The following ERC1 variants were observed in gnomAD, a reference collection of about 807,000 sequenced individuals.
The protein encoded by ERC1 is RAB6 interacting protein 2.
A neutral mutation model predicts 132.0 loss-of-function variants in ERC1; 56 were observed. The ratio of observed to expected loss-of-function variants is 0.42; its 90% confidence interval spans 0.34 to 0.53. ERC1 has a LOEUF of 0.53. ERC1 is among the 20% of genes least tolerant of loss of function. The probability of loss-of-function intolerance (pLI) is 0.03; values close to 1 mark genes in which losing one functional copy is unlikely to be tolerated. For synonymous variants in ERC1, 478 were observed against 476.1 expected, an observed-to-expected ratio of 1.00 and a Z score of -0.05; for missense variants, 1,202 against 1,349.9, an observed-to-expected ratio of 0.89 and a Z score of 1.72.
intron 2 of ERC1, among the ~76,000 whole-genome samples, chr12:1,034,411 T>TAA (rs1046800585): frequency 1.3e-5 from 2 of 151,822 alleles, no homozygotes; most frequent in African/African-American, 4.8e-5. Context: ...CCTTGTCTCT[T>TAA]AAAAATAAAT....
In ERC1 at chr12:1,451,426, A is replaced by G. The variant is rs560522538; in HGVS notation, c.3213+6676A>G. Among the ~76,000 whole-genome samples, 433 of 152,190 alleles carry G rather than the reference A, an allele frequency of 2.8e-3. 3 individuals carry two copies. Among genetic ancestry groups the G allele is most frequent in the African/African-American group, 9.7e-3 (404 of 41,482 alleles). On this transcript the variant is annotated intron_variant, in intron 18 of 18. Coordinates refer to ENST00000360905, the MANE Select transcript of ERC1 (RefSeq NM_178040.4). Reference sequence around the variant, plus strand: ...CCAGGAGTTCAAGACTAGCCTGGACAACGGTGAAGCCCTTATCTCTACAAA... The same window carrying G: ...CCAGGAGTTCAAGACTAGCCTGGACGACGGTGAAGCCCTTATCTCTACAAA...
At chr12:994,935 A>G (rs997792459) in intron 1 of ERC1, among the ~76,000 whole-genome samples, 1 of 152,114 alleles carries the variant, frequency 6.6e-6, no homozygotes, top group Non-Finnish European at 1.5e-5. Flanking sequence ...TCTCTACTGA[A>G]AATACAAACA....
Position 1,050,038 on chromosome 12 carries a change from C to T in ERC1, c.669+21466C>T, listed in dbSNP as rs921365727. 2.6e-5 allele frequency among the ~76,000 whole-genome samples: 4 copies of T among 152,212 alleles called. No individual in the cohort carries two copies. The East Asian group carries it at 5.8e-4, about 22-fold the overall frequency. ...GATTACAGGCGTGAGCCACTGCGCCCGGCCAATGACATTTTAAAAGAATTG... is the reference window on the plus strand; with the variant it reads ...GATTACAGGCGTGAGCCACTGCGCCTGGCCAATGACATTTTAAAAGAATTG... On this transcript the variant is annotated intron_variant, in intron 2 of 18. Coordinates refer to ENST00000360905, the MANE Select transcript of ERC1 (RefSeq NM_178040.4).
intron 2 of ERC1, among the ~76,000 whole-genome samples, chr12:1,070,135 C>T (rs983869804): frequency 2.0e-5 from 3 of 152,078 alleles, no homozygotes; most frequent in African/African-American, 7.2e-5. Context: ...TTGAATGTGT[C>T]TTTATAACCT....
rs898510827 is a variant in ERC1 at position 1,321,298 on chromosome 12, A to T, written c.2780+31286A>T. On this transcript the variant is annotated intron_variant, in intron 15 of 18. Transcript: ENST00000360905. ...TAAATGCAAAATTGTATGTGAAATTATGTGACACTGTGGCCAGCATATGAT... is the reference window on the plus strand; with the variant it reads ...TAAATGCAAAATTGTATGTGAAATTTTGTGACACTGTGGCCAGCATATGAT... 3.3e-5 allele frequency among the ~76,000 whole-genome samples: 5 copies of T among 152,088 alleles called. 1 individual carries two copies. The highest frequency in any genetic ancestry group is 1.3e-4 in the Admixed American group (2 of 15,272).
chr12:1,007,278 T>A (rs1232003520), intron 1 of ERC1, among the ~76,000 whole-genome samples: 2 of 152,314 alleles, frequency 1.3e-5, no homozygotes, highest in South Asian at 4.1e-4. Context: ...TGGAGACTTT[T>A]GAGTAAAGGA....
intron 14 of ERC1, among the ~76,000 whole-genome samples, chr12:1,280,731 A>T (rs150402921): frequency 1.4e-3 from 214 of 152,314 alleles, no homozygotes; most frequent in African/African-American, 4.5e-3. Flanking sequence ...GCAAACATAC[A>T]CGTATCATAT....
intron 12 of ERC1, chr12:1,204,544 G>A (rs751835472): frequency 1.3e-6 from 2 of 1,577,016 alleles, no homozygotes; most frequent in African/African-American, 1.3e-5. Flanking sequence ...CAAAGATGAT[G>A]TGATTGAGCG....
chr12:1,070,244 G>A (rs1940074861), intron 2 of ERC1, among the ~76,000 whole-genome samples: 1 of 152,088 alleles, frequency 6.6e-6, no homozygotes, highest in Non-Finnish European at 1.5e-5. Flanking sequence ...AGAACTGGAA[G>A]TGTTCTTTAA....
At chr12:1,296,573 C>A (rs2079966657) in intron 15 of ERC1, among the ~76,000 whole-genome samples, 1 of 151,898 alleles carries the variant, frequency 6.6e-6, no homozygotes, top group African/African-American at 2.4e-5. Context: ...GCCATCACAG[C>A]CAGCTAATTT....
intron 2 of ERC1, among the ~76,000 whole-genome samples, chr12:1,042,328 C>T (rs899884467): frequency 4.7e-5 from 7 of 147,838 alleles, no homozygotes; most frequent in South Asian, 2.2e-4. Flanking sequence ...TGAGCCATTG[C>T]GCCCGGCCTG....
chr12:1,440,525 A>G (rs1232834452), intron 17 of ERC1, among the ~76,000 whole-genome samples: 4 of 138,098 alleles, frequency 2.9e-5, no homozygotes, highest in Non-Finnish European at 4.7e-5. Context: ...TTTTTTTAAT[A>G]GAGACAGAGT....
chr12:1,464,347 G>A (rs997880292), intron 18 of ERC1, among the ~76,000 whole-genome samples: 2 of 151,936 alleles, frequency 1.3e-5, no homozygotes, highest in South Asian at 2.1e-4. Context: ...TTCGTGGCTC[G>A]CCTATCAGGT....
intron 12 of ERC1, among the ~76,000 whole-genome samples, chr12:1,234,648 G>A (rs2075293149): frequency 6.6e-6 from 1 of 152,146 alleles, no homozygotes; most frequent in Admixed American, 6.5e-5. Flanking sequence ...AGCCAAGAGA[G>A]TTTTGAAGAA....
At chr12:1,461,019 A>G (rs2093635503) in intron 18 of ERC1, among the ~76,000 whole-genome samples, 1 of 137,888 alleles carries the variant, frequency 7.3e-6, no homozygotes, top group South Asian at 2.3e-4. Context: ...CCAAGATAAT[A>G]TATTAAATTA....
chr12:1,190,004 T>C lies in ERC1; in HGVS notation c.2303T>C (p.Val768Ala). Reference sequence around the variant, plus strand: ...CGACTCTTAGAAATCTTGAAGGAGGTGGAAAATGAGAAGAATGACAAAGAT... The same window carrying C: ...CGACTCTTAGAAATCTTGAAGGAGGCGGAAAATGAGAAGAATGACAAAGAT... ...VDRLLEILKE[V>A]ENEKNDKDKK... The change falls in exon 12 of 19, where the codon GTG (valine) becomes GCG (alanine). Residue 768 changes from valine to alanine, a missense_variant. Val to Ala is a moderately conservative substitution (Grantham distance 64, BLOSUM62 0). Transcript: ENST00000360905. The C allele has an allele frequency of 6.2e-7, 1 of 1,613,504 alleles. No homozygotes were observed. Among genetic ancestry groups the C allele is most frequent in the Non-Finnish European group, 8.5e-7 (1 of 1,179,804 alleles).
At chr12:1,215,637 T>C (rs1192338563) in intron 12 of ERC1, among the ~76,000 whole-genome samples, 1 of 152,134 alleles carries the variant, frequency 6.6e-6, no homozygotes, top group Non-Finnish European at 1.5e-5. Flanking sequence ...CAGTTCTGTT[T>C]AGGGGAGTGC....
chr12:1,047,374 A>C (rs79225972), intron 2 of ERC1, among the ~76,000 whole-genome samples: 1 of 152,056 alleles, frequency 6.6e-6, no homozygotes, highest in East Asian at 1.9e-4. Flanking sequence ...TTTAATGTCT[A>C]TATATATTCT....
At chr12:1,141,291 G>A (rs1949841544) in intron 7 of ERC1, among the ~76,000 whole-genome samples, 1 of 151,948 alleles carries the variant, frequency 6.6e-6, no homozygotes, top group African/African-American at 2.4e-5. Context: ...CCTCATTTTA[G>A]ATTTTCTAAA....
Sources: gnomAD v4.1 joint callset for allele counts (sites outside exome capture counted in the v4.1 genomes callset) on GRCh38, gnomAD v4.1.1 for gene constraint, MANE v1.5 for transcripts, NCBI Gene and HGNC (gene_info 2026-07-23, HGNC 2026-07-21) for gene names.